Variants in ARHGAP24 observed in about 807,000 individuals in gnomAD.
The protein encoded by ARHGAP24 is rho GTPase-activating protein 24.
In ARHGAP24, 50 loss-of-function variants were observed where a neutral mutation model predicts 76.4. The observed-to-expected ratio is 0.65, with a 90% CI of 0.52 to 0.83. ARHGAP24 has a LOEUF of 0.83. Ranked by LOEUF, ARHGAP24 falls within the 40% of genes least tolerant of loss-of-function variation. The probability of loss-of-function intolerance (pLI) is 0.00; values close to 1 mark genes in which losing one functional copy is unlikely to be tolerated. For synonymous variants in ARHGAP24, 345 were observed against 323.3 expected (o/e 1.07, Z -0.72); for missense variants, 930 against 914.2 (o/e 1.02, Z -0.22).
intron 8 of ARHGAP24, 103 bp downstream of exon 8, chr4:85,977,794 T>C: frequency 7.3e-7 from 1 of 1,371,706 alleles, no homozygotes; most frequent in South Asian, 1.2e-5. Context: ...AATAAGTGAA[T>C]ACATGGCAAC....
At chr4:85,506,936 G>A (rs1283025161) in intron 1 of ARHGAP24, among the ~76,000 whole-genome samples, 1 of 151,866 alleles carries the variant, frequency 6.6e-6, no homozygotes. Flanking sequence ...TGATAAAGTA[G>A]GTAAAACACA....
chr4:85,702,699 G>A (rs1170257709), intron 2 of ARHGAP24, among the ~76,000 whole-genome samples: 1 of 151,886 alleles, frequency 6.6e-6, no homozygotes, highest in Non-Finnish European at 1.5e-5. Flanking sequence ...GTTCGCCCTG[G>A]GGTTTGTGAG....
intron 1 of ARHGAP24, among the ~76,000 whole-genome samples, chr4:85,506,690 C>A (rs935057761): frequency 6.6e-6 from 1 of 152,228 alleles, no homozygotes; most frequent in Admixed American, 6.5e-5. Flanking sequence ...CCACCAACCC[C>A]TTGCACTTCC....
chr4:85,986,234 A>G (rs954592076), intron 8 of ARHGAP24, among the ~76,000 whole-genome samples: 1 of 152,154 alleles, frequency 6.6e-6, no homozygotes, highest in African/African-American at 2.4e-5. Flanking sequence ...TTGCTATATA[A>G]GCATATCCAT....
intron 2 of ARHGAP24, among the ~76,000 whole-genome samples, chr4:85,698,502 T>C (rs1220496511): frequency 6.6e-6 from 1 of 152,210 alleles, no homozygotes; most frequent in East Asian, 1.9e-4. Context: ...CTATATAACA[T>C]CCTTCCTGGC....
chr4:85,653,464 T>G (rs1722021941), intron 2 of ARHGAP24, among the ~76,000 whole-genome samples: 1 of 138,658 alleles, frequency 7.2e-6, no homozygotes, highest in African/African-American at 2.7e-5. Flanking sequence ...TATTTTAATG[T>G]AAATTATTTA....
At chr4:85,797,205 C>T (rs1247875496) in intron 3 of ARHGAP24, among the ~76,000 whole-genome samples, 1 of 151,472 alleles carries the variant, frequency 6.6e-6, no homozygotes, top group Non-Finnish European at 1.5e-5. Context: ...ATGAGTCTTG[C>T]TCTGTTGCCC....
intron 2 of ARHGAP24, among the ~76,000 whole-genome samples, chr4:85,666,486 C>G (rs186898430): frequency 6.6e-6 from 1 of 152,220 alleles, no homozygotes; most frequent in African/African-American, 2.4e-5. Context: ...AAGCCTTCTT[C>G]TCTCAACTCG....
chr4:85,556,436 C>T (rs888369653), intron 1 of ARHGAP24, among the ~76,000 whole-genome samples: 16 of 152,266 alleles, frequency 1.1e-4, no homozygotes, highest in African/African-American at 3.4e-4. Flanking sequence ...CTGGGCTCCT[C>T]TCCATATGAT....
intron 2 of ARHGAP24, among the ~76,000 whole-genome samples, chr4:85,673,339 T>A (rs1722872322): frequency 1.3e-5 from 2 of 152,152 alleles, no homozygotes; most frequent in African/African-American, 4.8e-5. Context: ...TTTTAAAAGA[T>A]GCAAACAGTT....
chr4:85,830,141 T>G (rs1289072163), intron 3 of ARHGAP24, among the ~76,000 whole-genome samples: 1 of 152,274 alleles, frequency 6.6e-6, no homozygotes. Context: ...GTCCTTGCTT[T>G]CTTCCTTCTT....
chr4:85,867,487 G>T (rs1189990729), intron 3 of ARHGAP24, among the ~76,000 whole-genome samples: 1 of 151,914 alleles, frequency 6.6e-6, no homozygotes, highest in Non-Finnish European at 1.5e-5. Flanking sequence ...ACTTAGTCTG[G>T]CAAAAAGCAA....
intron 1 of ARHGAP24, among the ~76,000 whole-genome samples, chr4:85,500,379 G>C (rs1474491228): frequency 6.6e-6 from 1 of 152,146 alleles, no homozygotes; most frequent in Admixed American, 6.5e-5. Flanking sequence ...GTATTAATCA[G>C]TGATGAAATA....
intron 3 of ARHGAP24, among the ~76,000 whole-genome samples, chr4:85,863,116 A>G (rs1350424854): frequency 2.6e-5 from 4 of 152,072 alleles, no homozygotes; most frequent in Non-Finnish European, 1.5e-5. Context: ...TCCCTGTGAC[A>G]TATCATTCTA....
chr4:85,823,949 A>G (rs1376318395), intron 3 of ARHGAP24, among the ~76,000 whole-genome samples: 1 of 151,738 alleles, frequency 6.6e-6, no homozygotes, highest in Admixed American at 6.6e-5. Flanking sequence ...TGAAAGTAAG[A>G]CATTGGTTCT....
intron 2 of ARHGAP24, among the ~76,000 whole-genome samples, chr4:85,664,033 T>A (rs1164172858): frequency 1.3e-5 from 2 of 151,366 alleles, no homozygotes; most frequent in Non-Finnish European, 1.5e-5. Context: ...GCTGGCCTCA[T>A]AAAATGAGTT....
intron 2 of ARHGAP24, among the ~76,000 whole-genome samples, chr4:85,588,491 G>T (rs1727955310): frequency 6.6e-6 from 1 of 152,126 alleles, no homozygotes; most frequent in Non-Finnish European, 1.5e-5. Context: ...TTTCATGTAA[G>T]GTCGCTATTA....
At position 85,627,473 on chromosome 4, in the gene ARHGAP24, G is replaced by A. The variant is rs560329747; in HGVS notation, c.180+56752G>A. 1.2e-4 allele frequency among the ~76,000 whole-genome samples: 19 copies of A among 152,302 alleles called. No individual in the cohort carries two copies. The East Asian group carries it at 1.5e-3, about 12-fold the overall frequency. On this transcript the variant is annotated intron_variant, in intron 2 of 9. Coordinates refer to ENST00000395184, the MANE Select transcript of ARHGAP24 (RefSeq NM_001025616.3). Reference sequence around the variant, plus strand: ...GAGTACCCGGCCGTGTGAGGTGTCAGTCTGCACCTACTGGTTGGTGCCTCC... The same window carrying A: ...GAGTACCCGGCCGTGTGAGGTGTCAATCTGCACCTACTGGTTGGTGCCTCC...
chr4:85,790,554 T>TA (rs771040783), intron 3 of ARHGAP24, among the ~76,000 whole-genome samples: 1 of 152,118 alleles, frequency 6.6e-6, no homozygotes, highest in African/African-American at 2.4e-5. Context: ...CTTCCCAGAG[T>TA]AAAAAATCTC....
Sources: allele counts gnomAD v4.1 joint callset (sites outside exome capture counted in the v4.1 genomes callset), GRCh38; gene constraint gnomAD v4.1.1; transcripts MANE v1.5; gene names NCBI Gene and HGNC (gene_info 2026-07-23, HGNC 2026-07-21).